Variants in SIPA1L1 observed in about 807,000 individuals in gnomAD.
The protein encoded by SIPA1L1 is signal-induced proliferation-associated 1-like protein 1.
In SIPA1L1, 26 loss-of-function variants were observed where a neutral mutation model predicts 162.7. The ratio of observed to expected loss-of-function variants is 0.16; its 90% confidence interval spans 0.12 to 0.22. SIPA1L1 has a LOEUF of 0.22. Among genes scored for constraint, SIPA1L1 ranks in the 10% least tolerant of loss-of-function variants. The probability of loss-of-function intolerance (pLI) is 1.00; values close to 1 mark genes in which losing one functional copy is unlikely to be tolerated. For missense variants in SIPA1L1, 1,874 were observed against 2,241.0 expected, an observed-to-expected ratio of 0.84 and a Z score of 3.31; for synonymous variants, 829 against 837.4, an observed-to-expected ratio of 0.99 and a Z score of 0.17.
intron 3 of SIPA1L1, among the ~76,000 whole-genome samples, chr14:71,517,071 G>C (rs987841141): frequency 4.1e-5 from 6 of 145,770 alleles, no homozygotes; most frequent in African/African-American, 1.5e-4. Context: ...GGGAATGTAA[G>C]TACCTTCTTA....
chr14:71,428,789 C>G (rs2043772999), intron 2 of SIPA1L1, among the ~76,000 whole-genome samples: 2 of 152,212 alleles, frequency 1.3e-5, no homozygotes, highest in African/African-American at 4.8e-5. Context: ...CCTTTTTGCC[C>G]ATCCTGGCTC....
At chr14:71,538,050 TTCAC>T (rs2054059448) in intron 4 of SIPA1L1, among the ~76,000 whole-genome samples, 1 of 152,180 alleles carries the variant, frequency 6.6e-6, no homozygotes, top group South Asian at 2.1e-4. Context: ...AAAAAAAAGA[TTCAC>T]TCTCTCCTTT....
At chr14:71,430,411 A>G (rs1371693865) in intron 2 of SIPA1L1, among the ~76,000 whole-genome samples, 2 of 152,196 alleles carry the variant, frequency 1.3e-5, no homozygotes, top group Non-Finnish European at 1.5e-5. Flanking sequence ...CTTTCTCCAC[A>G]ATAGTTACGT....
intron 22 of SIPA1L1, among the ~76,000 whole-genome samples, chr14:71,736,109 T>A (rs576684282): frequency 6.6e-6 from 1 of 152,354 alleles, no homozygotes; most frequent in South Asian, 2.1e-4. Context: ...CTTAAAACCC[T>A]TTGAGGCTGG....
intron 4 of SIPA1L1, among the ~76,000 whole-genome samples, chr14:71,561,675 C>T (rs906836853): frequency 2.0e-5 from 3 of 152,212 alleles, no homozygotes; most frequent in Non-Finnish European, 2.9e-5. Flanking sequence ...GCAAACTCCT[C>T]CTCCTGGGTT....
chr14:71,637,012 C>G (rs1008101277), intron 7 of SIPA1L1, among the ~76,000 whole-genome samples: 2 of 149,472 alleles, frequency 1.3e-5, no homozygotes, highest in East Asian at 2.0e-4. Context: ...GATGGCGCCA[C>G]TGCACTCCAG....
At chr14:71,734,954 G>A (rs1597307178) in intron 21 of SIPA1L1, among the ~76,000 whole-genome samples, 1 of 152,196 alleles carries the variant, frequency 6.6e-6, no homozygotes, top group Non-Finnish European at 1.5e-5. Context: ...TTTCATTGCT[G>A]AGTGGAAAGC....
At chr14:71,402,374 G>A (rs971902635) in intron 2 of SIPA1L1, among the ~76,000 whole-genome samples, 2 of 145,664 alleles carry the variant, frequency 1.4e-5, no homozygotes, top group Admixed American at 7.0e-5. Context: ...TTTGAGACAA[G>A]GTTTCTCTCT....
intron 4 of SIPA1L1, among the ~76,000 whole-genome samples, chr14:71,555,845 C>T (rs985945693): frequency 6.6e-6 from 1 of 152,104 alleles, no homozygotes; most frequent in African/African-American, 2.4e-5. Context: ...AGAACTCAAA[C>T]GACATTTGTT....
chr14:71,599,398 C>T (rs924131066), intron 5 of SIPA1L1, among the ~76,000 whole-genome samples: 7 of 151,348 alleles, frequency 4.6e-5, no homozygotes, highest in South Asian at 2.1e-4. Context: ...GTGATCCACC[C>T]GCCTCGGCCT....
intron 4 of SIPA1L1, among the ~76,000 whole-genome samples, chr14:71,552,983 C>T (rs573838344): frequency 5.0e-4 from 76 of 152,232 alleles, no homozygotes; most frequent in African/African-American, 1.7e-3. Flanking sequence ...GCATCCCCGG[C>T]CTCTACCCAC....
chr14:71,730,035 G>A lies in SIPA1L1; in HGVS notation c.4615-20G>A. ...TGAACCAGAAAATTGACTTTCTTTT[G>A]TCTTGATCCTGTTTTTCAGTTCCAC... is the stretch of plus-strand genomic sequence containing the variant. On this transcript the variant is annotated intron_variant, in intron 19 of 23. Coordinates refer to ENST00000381232, the MANE Select transcript of SIPA1L1 (RefSeq NM_001386936.1). 1 of 1,608,816 alleles carries A rather than the reference G, an allele frequency of 6.2e-7. No individual in the cohort carries two copies. Among genetic ancestry groups the A allele is most frequent in the Non-Finnish European group, 8.5e-7 (1 of 1,176,652 alleles).
At chr14:71,417,498 A>AAAAAAAC (rs1157625899) in intron 2 of SIPA1L1, among the ~76,000 whole-genome samples, 23 of 146,596 alleles carry the variant, frequency 1.6e-4, no homozygotes, top group Non-Finnish European at 3.2e-4. Context: ...AAAAAAAAAA[A>AAAAAAAC]AAAAAGAAAA....
chr14:71,582,990 G>A (rs535005961), intron 4 of SIPA1L1, among the ~76,000 whole-genome samples: 2 of 152,138 alleles, frequency 1.3e-5, no homozygotes, highest in Non-Finnish European at 2.9e-5. Context: ...AGCCAAGAAG[G>A]GATGTAAAGA....
intron 2 of SIPA1L1, among the ~76,000 whole-genome samples, chr14:71,366,773 T>TA (rs1208253315): frequency 1.3e-5 from 2 of 152,212 alleles, no homozygotes; most frequent in Non-Finnish European, 2.9e-5. Context: ...GTTCTCTCTT[T>TA]AAAAGTAAGG....
intron 2 of SIPA1L1, among the ~76,000 whole-genome samples, chr14:71,441,271 CT>C (rs2044830366): frequency 6.6e-6 from 1 of 152,140 alleles, no homozygotes; most frequent in African/African-American, 2.4e-5. Flanking sequence ...GATCCAAAGT[CT>C]TGCAGAGGGA....
At chr14:71,639,846 T>C (rs2041528063) in intron 7 of SIPA1L1, among the ~76,000 whole-genome samples, 1 of 152,222 alleles carries the variant, frequency 6.6e-6, no homozygotes, top group Non-Finnish European at 1.5e-5. Context: ...TTTCCAACAG[T>C]ACTGGGACAA....
At chr14:71,635,561 TAAAG>T (rs1187388483) in intron 7 of SIPA1L1, among the ~76,000 whole-genome samples, 1 of 152,198 alleles carries the variant, frequency 6.6e-6, no homozygotes, top group Non-Finnish European at 1.5e-5. Flanking sequence ...ACTACATAGA[TAAAG>T]ATATATATAG....
chr14:71,538,092 T>C (rs2054062972), intron 4 of SIPA1L1, among the ~76,000 whole-genome samples: 1 of 152,248 alleles, frequency 6.6e-6, no homozygotes, highest in African/African-American at 2.4e-5. Flanking sequence ...GAATTCCTCC[T>C]TCATCAGTTC....
Sources: allele counts gnomAD v4.1 joint callset (sites outside exome capture counted in the v4.1 genomes callset), GRCh38; gene constraint gnomAD v4.1.1; transcripts MANE v1.5; gene names NCBI Gene and HGNC (gene_info 2026-07-23, HGNC 2026-07-21).